Variants in EPHB2 observed in about 807,000 individuals in gnomAD.
EPHB2 encodes the protein EPH receptor B2.
A neutral mutation model predicts 96.4 loss-of-function variants in EPHB2; 18 were observed. The ratio of observed to expected loss-of-function variants is 0.19; its 90% CI spans 0.13 to 0.28. The LOEUF is 0.28. EPHB2 is among the 10% of genes least tolerant of loss of function. The pLI is 1.00. For missense variants in EPHB2, 989 were observed against 1,355.4 expected, an observed-to-expected ratio of 0.73 and a Z score of 4.25; for synonymous variants, 506 against 534.1, an observed-to-expected ratio of 0.95 and a Z score of 0.72.
intron 5 of EPHB2, among the ~76,000 whole-genome samples, chr1:22,880,672 G>A (rs1245826017): frequency 6.6e-6 from 1 of 152,216 alleles, no homozygotes; most frequent in Non-Finnish European, 1.5e-5. Flanking sequence ...CCCACTGACT[G>A]TGTGATCTCA....
chr1:22,898,723 A>G (rs776874433), intron 9 of EPHB2, among the ~76,000 whole-genome samples: 2 of 152,190 alleles, frequency 1.3e-5, no homozygotes, highest in Non-Finnish European at 1.5e-5. Flanking sequence ...CAGGGAAGAC[A>G]TGATGGTGGC....
At chr1:22,840,625 T>C (rs761707743) in intron 3 of EPHB2, among the ~76,000 whole-genome samples, 13 of 152,106 alleles carry the variant, frequency 8.5e-5, no homozygotes, top group Admixed American at 2.6e-4. Flanking sequence ...CACGCCTGGC[T>C]AATTTTTGTA....
chr1:22,832,238 G>C (rs1013856658), intron 3 of EPHB2, among the ~76,000 whole-genome samples: 1 of 152,114 alleles, frequency 6.6e-6, no homozygotes, highest in East Asian at 1.9e-4. Flanking sequence ...CATGGCCCTG[G>C]GTGAGTCATG....
In EPHB2 at chr1:22,912,433, C is replaced by G. The variant is rs1383031402; in HGVS notation, c.2697-11C>G. 1 of 1,613,914 alleles carries G rather than the reference C, an allele frequency of 6.2e-7. No homozygotes were observed. Among genetic ancestry groups the G allele is most frequent in the Admixed American group, 1.7e-5 (1 of 60,024 alleles). ...GCCCTGACCATCTCTGTCGCCCACCCCCAACCCCAGCATCAACCTGCCGCT... is the reference window on the plus strand; with the variant it reads ...GCCCTGACCATCTCTGTCGCCCACCGCCAACCCCAGCATCAACCTGCCGCT... On this transcript the variant is annotated splice_polypyrimidine_tract_variant and intron_variant, in intron 14 of 15. Transcript: ENST00000374630.
chr1:22,774,577 C>T (rs540142261), intron 1 of EPHB2: 1 of 985,304 alleles, frequency 1.0e-6, no homozygotes, highest in African/African-American at 1.7e-5. Context: ...AAAGTGACTT[C>T]TGCAAGCAGG....
chr1:22,819,849 C>T (rs1169410570), intron 3 of EPHB2, among the ~76,000 whole-genome samples: 3 of 150,918 alleles, frequency 2.0e-5, no homozygotes, highest in Non-Finnish European at 4.4e-5. Context: ...TTTGGTTTTC[C>T]TCTCCGTGTC....
At chr1:22,912,758 T>A (rs1212823199) in intron 15 of EPHB2, 159 bp downstream of exon 15, 1 of 1,034,342 alleles carries the variant, frequency 9.7e-7, no homozygotes, top group Non-Finnish European at 1.4e-6. Context: ...ACCTGTGGAC[T>A]GATACCCAGG....
intron 1 of EPHB2, among the ~76,000 whole-genome samples, chr1:22,752,097 T>C (rs1557653225): frequency 6.6e-6 from 1 of 152,196 alleles, no homozygotes; most frequent in African/African-American, 2.4e-5. Flanking sequence ...CCATGCAGGG[T>C]TATTGTGAAA....
intron 1 of EPHB2, 85 bp from the exon 2 acceptor site, chr1:22,781,336 A>G: frequency 8.0e-6 from 9 of 1,127,260 alleles, no homozygotes; most frequent in Admixed American, 4.9e-5. Context: ...AAAAAAAAAA[A>G]GAAGAAGAAG....
Position 22,858,479 on chromosome 1 carries a change from G to GC in EPHB2, c.812-4553dup, listed in dbSNP as rs1645739040. ...TCATTATTCCATGCAGGGATCATCAGCCCCCTTTCCAGATGAGGAGACTGA... is the reference window on the plus strand; with the variant it reads ...TCATTATTCCATGCAGGGATCATCAGCCCCCCTTTCCAGATGAGGAGACTGA... On this transcript the variant is annotated intron_variant, in intron 3 of 15. Coordinates refer to ENST00000374630, the MANE Select transcript of EPHB2 (RefSeq NM_017449.5). The surrounding 1 kb of genome is among the most constrained non-coding windows in gnomAD (Gnocchi z 7.7). Among the ~76,000 whole-genome samples the GC allele has an allele frequency of 6.6e-6, 1 of 152,150 alleles. No homozygotes were observed. Among genetic ancestry groups the GC allele is most frequent in the Admixed American group, 6.5e-5 (1 of 15,272 alleles).
intron 3 of EPHB2, among the ~76,000 whole-genome samples, chr1:22,838,266 T>C (rs546446699): frequency 5.9e-5 from 9 of 152,224 alleles, no homozygotes; most frequent in Non-Finnish European, 1.2e-4. Context: ...GTAAAAATGC[T>C]TTGTAGAGTC....
intron 3 of EPHB2, among the ~76,000 whole-genome samples, chr1:22,807,852 G>A (rs1272027898): frequency 6.6e-6 from 1 of 152,202 alleles, no homozygotes; most frequent in African/African-American, 2.4e-5. Flanking sequence ...AGCAAATTCT[G>A]GCCAGGCACA....
chr1:22,730,078 G>C (rs959406528), intron 1 of EPHB2, among the ~76,000 whole-genome samples: 5 of 152,250 alleles, frequency 3.3e-5, no homozygotes, highest in African/African-American at 7.2e-5. Flanking sequence ...CCCAGGGTGG[G>C]GGTGTGGGAT....
At chr1:22,857,097 C>T (rs770206864) in intron 3 of EPHB2, among the ~76,000 whole-genome samples, 37 of 152,216 alleles carry the variant, frequency 2.4e-4, no homozygotes, top group African/African-American at 6.5e-4. Flanking sequence ...AACAAAATCA[C>T]GTGCCATGTA....
intron 3 of EPHB2, among the ~76,000 whole-genome samples, chr1:22,814,092 C>T (rs1645039442): frequency 6.6e-6 from 1 of 152,094 alleles, no homozygotes; most frequent in Non-Finnish European, 1.5e-5. Context: ...GACTCTTGAA[C>T]CTGGGAGGCA....
chr1:22,771,907 A>G (rs570475048), intron 1 of EPHB2, among the ~76,000 whole-genome samples: 2 of 152,026 alleles, frequency 1.3e-5, no homozygotes, highest in South Asian at 2.1e-4. Context: ...CTGATTTACT[A>G]TGTGGCCTTG....
intron 3 of EPHB2, among the ~76,000 whole-genome samples, chr1:22,834,352 G>A (rs1307239750): frequency 6.6e-6 from 1 of 152,216 alleles, no homozygotes; most frequent in African/African-American, 2.4e-5. Flanking sequence ...AGATATGAGA[G>A]GGGGTCTTGT....
chr1:22,727,082 G>A (rs1267390378), intron 1 of EPHB2, among the ~76,000 whole-genome samples: 1 of 152,212 alleles, frequency 6.6e-6, no homozygotes, highest in Non-Finnish European at 1.5e-5. Flanking sequence ...GGCTGACATT[G>A]GAAGCAGTAG....
intron 3 of EPHB2, among the ~76,000 whole-genome samples, chr1:22,855,411 C>G (rs1197996753): frequency 1.3e-5 from 2 of 152,232 alleles, no homozygotes; most frequent in African/African-American, 4.8e-5. Flanking sequence ...CCCACAGCAG[C>G]CAGCAGGTAA....
Sources: allele counts gnomAD v4.1 joint callset (sites outside exome capture counted in the v4.1 genomes callset), GRCh38; gene constraint gnomAD v4.1.1; non-coding constraint Gnocchi (gnomAD v3.1); transcripts MANE v1.5; gene names NCBI Gene and HGNC (gene_info 2026-07-23, HGNC 2026-07-21).